The following PTPRG variants were observed in gnomAD, a reference collection of about 807,000 sequenced individuals.
The protein encoded by PTPRG is protein tyrosine phosphatase receptor type G.
Under a neutral mutation model 165.3 loss-of-function variants are expected in PTPRG, and 102 were observed. That is an observed-to-expected ratio of 0.62 (90% confidence interval 0.53 to 0.73). The LOEUF (loss-of-function observed/expected upper bound fraction) is 0.73. Ranked by LOEUF, PTPRG falls within the 30% of genes least tolerant of loss-of-function variation. The pLI is 0.00. For missense variants in PTPRG, 1,866 were observed against 1,861.4 expected, an observed-to-expected ratio of 1.00 and a Z score of -0.05; for synonymous variants, 675 against 669.5, an observed-to-expected ratio of 1.01 and a Z score of -0.13.
chr3:61,897,701 G>A (rs1025727194), intron 2 of PTPRG, among the ~76,000 whole-genome samples: 3 of 152,090 alleles, frequency 2.0e-5, no homozygotes, highest in Admixed American at 6.6e-5. Context: ...TTTGAGTCTA[G>A]GAACACACTG....
rs1014420310 is a variant in PTPRG, at chr3:62,210,436, A to G, written c.2155+6486A>G. On this transcript the variant is annotated intron_variant, in intron 12 of 29. Coordinates refer to ENST00000474889, the MANE Select transcript of PTPRG (RefSeq NM_002841.4). This position sits in a 1 kb window ranked among gnomAD's most constrained non-coding sequence, Gnocchi z 4.1. ...ATATAGAAAATAAATGTTGGCAGAA[A>G]TGTGGAAAGAAGGGAACCCTTTGTG... Among the ~76,000 whole-genome samples the G allele has an allele frequency of 2.6e-5, 4 of 152,222 alleles. No individual in the cohort carries two copies. The highest frequency in any genetic ancestry group is 9.6e-5 in the African/African-American group (4 of 41,454).
At chr3:62,131,553 G>A (rs1406449551) in intron 5 of PTPRG, among the ~76,000 whole-genome samples, 1 of 152,132 alleles carries the variant, frequency 6.6e-6, no homozygotes. Flanking sequence ...ACAGTGAAAG[G>A]TTCATCAATA....
At position 62,145,536 on chromosome 3, in the gene PTPRG, TGAA is replaced by T. The variant is rs1294713435; in HGVS notation, c.683-11528_683-11526del. Among the ~76,000 whole-genome samples, 3 of 148,644 alleles carry T rather than the reference TGAA, an allele frequency of 2.0e-5. No individual in the cohort carries two copies. The East Asian group carries it at 5.8e-4, about 29-fold the overall frequency. Reference sequence around the variant, plus strand: ...TCCATACAAAAATAAAATGAAATGATGAAGATGATGATGATGATGATGATGATG... The same window carrying T: ...TCCATACAAAAATAAAATGAAATGATGATGATGATGATGATGATGATGATG... On this transcript the variant is annotated intron_variant, in intron 6 of 29. Transcript: ENST00000474889.
chr3:61,579,641 C>G (rs1700238755), intron 1 of PTPRG, among the ~76,000 whole-genome samples: 1 of 152,248 alleles, frequency 6.6e-6, no homozygotes, highest in Non-Finnish European at 1.5e-5. Flanking sequence ...AAAGCCAGTG[C>G]TCTTCTTTCT....
chr3:61,575,369 C>T (rs1165396939), intron 1 of PTPRG, among the ~76,000 whole-genome samples: 1 of 152,142 alleles, frequency 6.6e-6, no homozygotes, highest in Admixed American at 6.5e-5. Context: ...CAAGTGGATT[C>T]TGATGAAAGA....
intron 2 of PTPRG, among the ~76,000 whole-genome samples, chr3:61,786,537 G>C (rs1408032181): frequency 6.6e-6 from 1 of 152,106 alleles, no homozygotes; most frequent in Non-Finnish European, 1.5e-5. Context: ...GGAATTCAAG[G>C]GTGGTTGGAG....
At chr3:61,885,232 C>A (rs762967479) in intron 2 of PTPRG, among the ~76,000 whole-genome samples, 12 of 152,024 alleles carry the variant, frequency 7.9e-5, no homozygotes, top group Non-Finnish European at 1.3e-4. Context: ...AGACACTGGG[C>A]AAAATGTATT....
At position 61,676,549 on chromosome 3, in the gene PTPRG, CACACACACACAA is replaced by C. The variant is rs533120476; in HGVS notation, c.86-72316_86-72305del. ...GTAATTCCAGTGAATATTTTACTTT[CACACACACACAA>C]ACACACACACAATTTAGTGTATCAA... is the stretch of plus-strand genomic sequence containing the variant. On this transcript the variant is annotated intron_variant, in intron 1 of 29. Transcript: ENST00000474889. Among the ~76,000 whole-genome samples the C allele has an allele frequency of 3.8e-3, 571 of 150,264 alleles. 4 individuals carry two copies. Among genetic ancestry groups the C allele is most frequent in the African/African-American group, 0.012 (486 of 40,882 alleles).
chr3:62,239,358 TTC>T, intron 14 of PTPRG, among the ~76,000 whole-genome samples: 10 of 149,826 alleles, frequency 6.7e-5, no homozygotes, highest in African/African-American at 2.2e-4. Flanking sequence ...TCTTTTTTCT[TTC>T]TTTTTTTTTT....
intron 2 of PTPRG, among the ~76,000 whole-genome samples, chr3:61,957,962 G>A (rs1328575064): frequency 6.6e-6 from 1 of 152,032 alleles, no homozygotes; most frequent in East Asian, 1.9e-4. Context: ...TTTGTTACCT[G>A]GCTTGGAGCA....
At chr3:61,926,528 A>G (rs777202470) in intron 2 of PTPRG, among the ~76,000 whole-genome samples, 1 of 148,744 alleles carries the variant, frequency 6.7e-6, no homozygotes, top group Non-Finnish European at 1.5e-5. Flanking sequence ...CTGTGAGCCA[A>G]TTAAACCTCT....
intron 2 of PTPRG, among the ~76,000 whole-genome samples, chr3:61,864,009 C>A (rs2037341339): frequency 6.6e-6 from 1 of 152,122 alleles, no homozygotes; most frequent in African/African-American, 2.4e-5. Context: ...TGAGGTCCAG[C>A]CCTGGATCTT....
chr3:61,740,509 T>C (rs112634262), intron 1 of PTPRG, among the ~76,000 whole-genome samples: 2,448 of 152,272 alleles, frequency 0.016, 72 homozygotes, highest in African/African-American at 0.052. Flanking sequence ...GAGGAATGAC[T>C]CCAATGTTTT....
At chr3:61,633,470 A>G (rs1042168201) in intron 1 of PTPRG, among the ~76,000 whole-genome samples, 4 of 152,226 alleles carry the variant, frequency 2.6e-5, no homozygotes, top group Non-Finnish European at 4.4e-5. Context: ...AAACATTTTA[A>G]TTTAATTTTT....
intron 28 of PTPRG, among the ~76,000 whole-genome samples, chr3:62,284,421 C>T (rs565740886): frequency 6.6e-6 from 1 of 152,118 alleles, no homozygotes; most frequent in East Asian, 1.9e-4. Context: ...GCAAATTAAT[C>T]CTAAACCAGT....
chr3:61,808,785 AT>A (rs1175711467), intron 2 of PTPRG, among the ~76,000 whole-genome samples: 2 of 151,862 alleles, frequency 1.3e-5, no homozygotes, highest in East Asian at 3.9e-4. Context: ...TCTTAAACCC[AT>A]CCCCGTTGTT....
chr3:61,609,515 A>T (rs1701107426), intron 1 of PTPRG, among the ~76,000 whole-genome samples: 1 of 152,214 alleles, frequency 6.6e-6, no homozygotes, highest in Non-Finnish European at 1.5e-5. Flanking sequence ...CAACAACTAC[A>T]AGCACTCTAC....
In PTPRG at chr3:62,273,825, G is replaced by A. The variant is rs1214811110; in HGVS notation, c.3446G>A (p.Arg1149Gln). Reference protein sequence around the residue: ...ILIPGVGGKTRLEKQFKLVTQ... With the variant: ...ILIPGVGGKTQLEKQFKLVTQ... ...ATACCAGGAGTAGGAGGAAAGACAC[G>A]ACTGGAAAAGCAATTCAAGGTAGTG... Residue 1149 changes from arginine to glutamine, a missense_variant, in exon 23 of 30, where the codon CGA (arginine) becomes CAA (glutamine). By Grantham distance (43) the Arg-to-Gln change is conservative. This residue lies in a region of PTPRG where 1,452 missense variants were observed against 1,463.0 expected (regional missense o/e 0.99). Coordinates refer to ENST00000474889, the MANE Select transcript of PTPRG (RefSeq NM_002841.4). The surrounding 1 kb of genome is among the most constrained non-coding windows in gnomAD (Gnocchi z 4.1). 9.9e-6 allele frequency: 16 copies of A among 1,613,532 alleles called. No homozygotes were observed. Among genetic ancestry groups the A allele is most frequent in the Admixed American group, 5.0e-5 (3 of 59,946 alleles).
chr3:61,954,266 T>G (rs1481948099), intron 2 of PTPRG, among the ~76,000 whole-genome samples: 1 of 152,198 alleles, frequency 6.6e-6, no homozygotes, highest in African/African-American at 2.4e-5. Context: ...TGAGGTTCAT[T>G]TTTTAATAAC....
Sources: allele counts gnomAD v4.1 joint callset (sites outside exome capture counted in the v4.1 genomes callset), GRCh38; gene constraint gnomAD v4.1.1; regional missense constraint gnomAD v4.1.1; non-coding constraint Gnocchi (gnomAD v3.1); transcripts MANE v1.5; gene names NCBI Gene and HGNC (gene_info 2026-07-23, HGNC 2026-07-21).